CMSS1: variants seen among roughly 807,000 people sequenced by gnomAD.
CMSS1 encodes the protein cms1 ribosomal small subunit homolog.
Under a neutral mutation model 43.5 loss-of-function variants are expected in CMSS1, and 33 were observed. That is an observed-to-expected ratio of 0.76 (90% CI 0.57 to 1.01). The LOEUF is 1.01. CMSS1 is among the 50% of genes least tolerant of loss of function. The pLI is 0.00. For synonymous variants in CMSS1, 115 were observed against 117.2 expected (o/e 0.98, Z 0.12); for missense variants, 313 against 326.4 (o/e 0.96, Z 0.32).
chr3:99,944,986 A>G (rs957332155), intron 1 of CMSS1, among the ~76,000 whole-genome samples: 1 of 152,184 alleles, frequency 6.6e-6, no homozygotes, highest in Admixed American at 6.5e-5. Flanking sequence ...CATTCTAGGC[A>G]GTAGGGAGGG....
chr3:100,108,261 C>T (rs910978555), intron 1 of CMSS1, among the ~76,000 whole-genome samples: 1 of 152,126 alleles, frequency 6.6e-6, no homozygotes, highest in Non-Finnish European at 1.5e-5. Context: ...GAACTGACCA[C>T]GTTGTCAAGA....
chr3:99,983,464 GTA>G (rs1191587665), intron 1 of CMSS1, among the ~76,000 whole-genome samples: 231 of 12,638 alleles, frequency 0.018, 4 homozygotes, highest in South Asian at 0.15. Flanking sequence ...ATATATGTGT[GTA>G]TATATATATA....
chr3:100,088,500 C>A (rs552053045), intron 1 of CMSS1, among the ~76,000 whole-genome samples: 1 of 152,114 alleles, frequency 6.6e-6, no homozygotes, highest in Admixed American at 6.5e-5. Flanking sequence ...ATTTCAAAAT[C>A]TTTATATTTG....
intron 1 of CMSS1, among the ~76,000 whole-genome samples, chr3:100,069,187 G>A (rs1979629): frequency 0.085 from 12,887 of 152,136 alleles, 734 homozygotes; most frequent in Middle Eastern, 0.19. Context: ...CATACTGAGC[G>A]GATCACTGAG....
chr3:100,092,334 T>C (rs139280581), intron 1 of CMSS1, among the ~76,000 whole-genome samples: 1 of 152,234 alleles, frequency 6.6e-6, no homozygotes, highest in East Asian at 1.9e-4. Flanking sequence ...CGTCATAGCA[T>C]ATTTTGGATT....
At chr3:99,960,897 T>C (rs909389494) in intron 1 of CMSS1, among the ~76,000 whole-genome samples, 1 of 152,358 alleles carries the variant, frequency 6.6e-6, no homozygotes, top group Admixed American at 6.5e-5. Flanking sequence ...CTCTGTGTGT[T>C]TGGCAGACCA....
In CMSS1 at chr3:99,995,737, C is replaced by T. The variant is rs145178615; in HGVS notation, c.65-151236C>T. Among the ~76,000 whole-genome samples the T allele has an allele frequency of 4.4e-3, 670 of 152,350 alleles. 7 individuals are homozygous for T. Among genetic ancestry groups the T allele is most frequent in the African/African-American group, 0.016 (655 of 41,592 alleles). ...CTGTGCACTCACAGGTTCAACACCA[C>T]GTGGAAGCTGCCAAGGCTTGGGTCT... On this transcript the variant is annotated intron_variant, in intron 1 of 9. Transcript: ENST00000421999.
intron 1 of CMSS1, among the ~76,000 whole-genome samples, chr3:99,971,108 C>A (rs554283365): frequency 1.3e-5 from 2 of 152,070 alleles, no homozygotes; most frequent in Non-Finnish European, 2.9e-5. Flanking sequence ...GAGGCCAAGG[C>A]GGGCGGATCA....
chr3:99,996,985 T>C (rs1031528713), intron 1 of CMSS1, among the ~76,000 whole-genome samples: 1 of 152,196 alleles, frequency 6.6e-6, no homozygotes, highest in African/African-American at 2.4e-5. Flanking sequence ...TAACCTATGG[T>C]ATACAGCACA....
intron 1 of CMSS1, among the ~76,000 whole-genome samples, chr3:99,864,636 T>C (rs1252771524): frequency 2.0e-5 from 3 of 152,118 alleles, no homozygotes; most frequent in African/African-American, 7.2e-5. Context: ...CATTTGTTCA[T>C]TCCCATGCTT....
At chr3:100,009,225 T>A (rs1164616236) in intron 1 of CMSS1, among the ~76,000 whole-genome samples, 1 of 152,238 alleles carries the variant, frequency 6.6e-6, no homozygotes, top group Non-Finnish European at 1.5e-5. Context: ...TCTTGGATTT[T>A]AACCTACGGT....
At chr3:100,060,171 GA>G (rs377733428) in intron 1 of CMSS1, among the ~76,000 whole-genome samples, 411 of 152,228 alleles carry the variant, frequency 2.7e-3, no homozygotes, top group African/African-American at 9.3e-3. Flanking sequence ...CCAGACTGAA[GA>G]GGTTGAGATT....
intron 1 of CMSS1, among the ~76,000 whole-genome samples, chr3:100,004,158 G>C (rs1709923042): frequency 6.6e-6 from 1 of 152,072 alleles, no homozygotes; most frequent in Non-Finnish European, 1.5e-5. Flanking sequence ...AGGTAATTTT[G>C]ACATAAATTG....
At chr3:100,103,323 G>A (rs1333639563) in intron 1 of CMSS1, among the ~76,000 whole-genome samples, 1 of 152,218 alleles carries the variant, frequency 6.6e-6, no homozygotes, top group Non-Finnish European at 1.5e-5. Flanking sequence ...GAAGTCTTGA[G>A]CACAGCAGGA....
At position 99,963,610 on chromosome 3, in the gene CMSS1, A is replaced by T. The variant is rs140480534; in HGVS notation, c.64+145567A>T. On this transcript the variant is annotated intron_variant, in intron 1 of 9. Coordinates refer to ENST00000421999, the MANE Select transcript of CMSS1 (RefSeq NM_032359.4). ...GATGGTGTTACCTGAATATGCATCC[A>T]TTTTTTTTTTCTTTTTTTTTAGACG... is the stretch of plus-strand genomic sequence containing the variant. Among the ~76,000 whole-genome samples the T allele has an allele frequency of 1.1e-3, 162 of 147,718 alleles. 3 individuals are homozygous for T. The East Asian group carries it at 0.023, about 21-fold the overall frequency.
intron 1 of CMSS1, among the ~76,000 whole-genome samples, chr3:99,880,678 A>C (rs1576543871): frequency 2.0e-5 from 3 of 152,056 alleles, no homozygotes; most frequent in African/African-American, 7.2e-5. Flanking sequence ...TTTGTTTTAA[A>C]ATTAATTTAA....
At chr3:100,117,472 C>A (rs2066580605) in intron 1 of CMSS1, among the ~76,000 whole-genome samples, 1 of 152,000 alleles carries the variant, frequency 6.6e-6, no homozygotes, top group African/African-American at 2.4e-5. Context: ...TGGAATTATT[C>A]ATCATGGTGG....
chr3:100,152,648 T>G (rs2066930344), intron 2 of CMSS1, among the ~76,000 whole-genome samples: 1 of 152,208 alleles, frequency 6.6e-6, no homozygotes, highest in Non-Finnish European at 1.5e-5. Context: ...TTAATCTTCC[T>G]TCTCTCAATT....
intron 1 of CMSS1, among the ~76,000 whole-genome samples, chr3:99,991,973 C>CATATATGTGTGTATAT (rs1248111331): frequency 6.8e-6 from 1 of 147,018 alleles, no homozygotes; most frequent in African/African-American, 2.5e-5. Flanking sequence ...TATATATACA[C>CATATATGTGTGTATAT]ACATATATGT....
Sources: allele counts gnomAD v4.1 joint callset (sites outside exome capture counted in the v4.1 genomes callset), GRCh38; gene constraint gnomAD v4.1.1; transcripts MANE v1.5; gene names NCBI Gene and HGNC (gene_info 2026-07-23, HGNC 2026-07-21).